TTC6: variants seen among roughly 807,000 people sequenced by gnomAD.
The protein encoded by TTC6 is tetratricopeptide repeat domain 6.
In TTC6, 172 loss-of-function variants were observed where a neutral mutation model predicts 210.4. The ratio of observed to expected loss-of-function variants is 0.82; its 90% CI spans 0.72 to 0.93. The LOEUF is 0.93. Ranked by LOEUF, TTC6 falls within the 40% of genes least tolerant of loss-of-function variation. The pLI, the probability that TTC6 is intolerant of heterozygous loss-of-function variation, is 0.00. For missense variants in TTC6, 2,414 were observed against 2,318.1 expected (o/e 1.04, Z -0.85); for synonymous variants, 804 against 819.6 (o/e 0.98, Z 0.32).
At chr14:37,597,222 G>A (rs2139197029) in intron 1 of TTC6, among the ~76,000 whole-genome samples, 1 of 152,188 alleles carries the variant, frequency 6.6e-6, no homozygotes, top group East Asian at 1.9e-4. Context: ...GTTCCCATTA[G>A]TAGCTGACTT....
chr14:37,754,710 G>A (rs1056198255), intron 14 of TTC6, among the ~76,000 whole-genome samples: 1 of 152,146 alleles, frequency 6.6e-6, no homozygotes, highest in Non-Finnish European at 1.5e-5. Flanking sequence ...TGGGATTACA[G>A]GCATGAGCCA....
At chr14:37,789,612 A>ATATATATG (rs1398237108) in intron 15 of TTC6, among the ~76,000 whole-genome samples, 6 of 147,122 alleles carry the variant, frequency 4.1e-5, no homozygotes, top group Non-Finnish European at 8.9e-5. Flanking sequence ...ATATATATAT[A>ATATATATG]TATATTGTAT....
At chr14:37,658,479 G>A (rs2095729684) in intron 1 of TTC6, among the ~76,000 whole-genome samples, 1 of 152,102 alleles carries the variant, frequency 6.6e-6, no homozygotes, top group South Asian at 2.1e-4. Context: ...TGATCTTTTG[G>A]TTTTCTACTT....
intron 6 of TTC6, among the ~76,000 whole-genome samples, chr14:37,722,724 G>T (rs1566910345): frequency 1.3e-5 from 2 of 152,174 alleles, no homozygotes; most frequent in East Asian, 3.9e-4. Context: ...TCAGGTATCG[G>T]GTATATACTA....
intron 24 of TTC6, 59 bp from the exon 27 acceptor site, chr14:37,812,255 A>G: frequency 1.3e-6 from 2 of 1,568,506 alleles, no homozygotes; most frequent in Admixed American, 3.6e-5. Context: ...ACGTTTGTCC[A>G]TAGCCAATGA....
chr14:37,783,936 C>A (rs1435899246), intron 14 of TTC6, among the ~76,000 whole-genome samples: 8 of 152,112 alleles, frequency 5.3e-5, no homozygotes, highest in Non-Finnish European at 1.2e-4. Context: ...TGTAGTTGAG[C>A]AGTTTTGAGT....
At chr14:37,788,039 A>G (rs2096071961) in intron 15 of TTC6, among the ~76,000 whole-genome samples, 2 of 152,044 alleles carry the variant, frequency 1.3e-5, no homozygotes, top group South Asian at 4.1e-4. Flanking sequence ...CTAAAATGGC[A>G]GTAAACTGTC....
At chr14:37,671,578 CAT>C (rs1201168843) in intron 1 of TTC6, among the ~76,000 whole-genome samples, 1 of 151,998 alleles carries the variant, frequency 6.6e-6, no homozygotes, top group African/African-American at 2.4e-5. Context: ...CAATAGAAAA[CAT>C]GTAAGAAAAT....
chr14:37,690,499 A>C (rs1457037798), intron 3 of TTC6, among the ~76,000 whole-genome samples: 2 of 152,170 alleles, frequency 1.3e-5, no homozygotes, highest in African/African-American at 4.8e-5. Context: ...TTCATCTATA[A>C]AGACACACAT....
In TTC6 at chr14:37,701,539, C is replaced by G. The variant is rs1266012735; in HGVS notation, c.1571+13C>G. ...AACAAACAGATAGGTAAGAGTTCCACTGGTAATTTGATTTTAAGCTAAATG... is the reference window on the plus strand; with the variant it reads ...AACAAACAGATAGGTAAGAGTTCCAGTGGTAATTTGATTTTAAGCTAAATG... On this transcript the variant is annotated intron_variant, in intron 5 of 30. Coordinates refer to ENST00000553443, the Ensembl canonical transcript of TTC6. The G allele has an allele frequency of 7.8e-6, 11 of 1,416,060 alleles. No homozygotes were observed. Among genetic ancestry groups the G allele is most frequent in the Middle Eastern group, 3.7e-4 (2 of 5,460 alleles). The allele number at this position is 1,416,060 out of a possible 1,614,324, so 87.7% of individuals were successfully genotyped here.
intron 14 of TTC6, among the ~76,000 whole-genome samples, chr14:37,770,349 G>C (rs2096013917): frequency 1.3e-5 from 2 of 152,188 alleles, no homozygotes; most frequent in African/African-American, 4.8e-5. Context: ...TTCAATTCCT[G>C]GGTATCCTTG....
At chr14:37,738,940 T>C (rs541528065) in exon 10 of TTC6, 3 of 1,535,440 alleles carry the variant, frequency 2.0e-6, no homozygotes, top group East Asian at 2.4e-5. Context: ...AGCCCAACTA[T>C]GTGAAAGAAA....
intron 20 of TTC6, among the ~76,000 whole-genome samples, chr14:37,798,527 C>A (rs2139374907): frequency 6.6e-6 from 1 of 151,908 alleles, no homozygotes; most frequent in East Asian, 1.9e-4. Context: ...GGGTTTATAA[C>A]TAGGAAAATA....
At chr14:37,756,798 C>A (rs771317498) in intron 14 of TTC6, among the ~76,000 whole-genome samples, 4 of 151,922 alleles carry the variant, frequency 2.6e-5, no homozygotes, top group Admixed American at 6.6e-5. Context: ...CGATATTGAC[C>A]TGAAATTTTC....
chr14:37,732,784 A>C (rs1330149593), intron 7 of TTC6, among the ~76,000 whole-genome samples: 1 of 150,996 alleles, frequency 6.6e-6, no homozygotes, highest in African/African-American at 2.4e-5. Context: ...CGCCCAGCTA[A>C]TTTTTTTGTA....
chr14:37,607,020 G>T (rs964453061), intron 2 of TTC6, among the ~76,000 whole-genome samples: 3 of 152,052 alleles, frequency 2.0e-5, no homozygotes, highest in African/African-American at 4.8e-5. Context: ...AAGTTTTTTT[G>T]ACTTAGGCTA....
rs1441998759 is a variant in TTC6, at chr14:37,753,236, G to A, written c.3266+1G>A. 3.3e-6 allele frequency: 5 copies of A among 1,518,700 alleles called. No individual in the cohort carries two copies. The highest frequency in any genetic ancestry group is 4.4e-6 in the Non-Finnish European group (5 of 1,138,696). The allele number at this position is 1,518,700 out of a possible 1,614,324, so 94.1% of individuals were successfully genotyped here. A position where few individuals can be genotyped will look rare whatever the true frequency, so the allele number is the denominator to read the frequency against. Reference sequence around the variant, plus strand: ...TAGATCACCAAAATTCTCAAGCAAGGTAAGAATGATTTTAGATGTCGTTTT... The same window carrying A: ...TAGATCACCAAAATTCTCAAGCAAGATAAGAATGATTTTAGATGTCGTTTT... On this transcript the variant is annotated splice_donor_variant, in intron 14 of 30. Transcript: ENST00000553443. LOFTEE classifies it high-confidence loss of function.
chr14:37,636,020 C>T (rs1432919456), intron 1 of TTC6, among the ~76,000 whole-genome samples: 1 of 143,578 alleles, frequency 7.0e-6, no homozygotes, highest in Non-Finnish European at 1.5e-5. Context: ...AAGAAAATTA[C>T]CAGAGACAAA....
intron 2 of TTC6, among the ~76,000 whole-genome samples, chr14:37,609,121 A>T (rs558313337): frequency 6.6e-6 from 1 of 152,148 alleles, no homozygotes. Flanking sequence ...TCACCTTTTT[A>T]AAATGAAGCT....
Sources: gnomAD v4.1 joint callset for allele counts (sites outside exome capture counted in the v4.1 genomes callset) on GRCh38, gnomAD v4.1.1 for gene constraint, MANE v1.5 for transcripts, NCBI Gene and HGNC (gene_info 2026-07-23, HGNC 2026-07-21) for gene names.